The following PSAT1 variants were observed in gnomAD, a reference collection of about 807,000 sequenced individuals.
PSAT1 encodes phosphoserine aminotransferase.
In PSAT1, 41 loss-of-function variants were observed where a neutral mutation model predicts 40.3. The observed-to-expected ratio is 1.02, with a 90% CI of 0.79 to 1.32. The LOEUF is 1.32. Among genes scored for constraint, PSAT1 ranks in the 40% most tolerant of loss-of-function variants. The pLI, the probability that PSAT1 is intolerant of heterozygous loss-of-function variation, is 0.00. For missense variants in PSAT1, 406 were observed against 455.8 expected, an observed-to-expected ratio of 0.89 and a Z score of 0.99; for synonymous variants, 147 against 170.5, an observed-to-expected ratio of 0.86 and a Z score of 1.07.
At chr9:78,298,407 G>C in intron 1 of PSAT1, 6 of 985,432 alleles carry the variant, frequency 6.1e-6, no homozygotes, top group Non-Finnish European at 7.2e-6. Context: ...GGTAAGAACA[G>C]AGAATCCAAT....
At chr9:78,321,057 G>A (rs1046192865) in intron 7 of PSAT1, among the ~76,000 whole-genome samples, 1 of 152,028 alleles carries the variant, frequency 6.6e-6, no homozygotes, top group African/African-American at 2.4e-5. Flanking sequence ...ACTAAACCTG[G>A]GCCTCTCCCA....
At chr9:78,321,859 T>C (rs1828434156) in intron 7 of PSAT1, among the ~76,000 whole-genome samples, 1 of 152,212 alleles carries the variant, frequency 6.6e-6, no homozygotes, top group South Asian at 2.1e-4. Flanking sequence ...GAGGTAATGA[T>C]ACATACTTCT....
At chr9:78,316,279 C>A (rs2118676693) in intron 6 of PSAT1, among the ~76,000 whole-genome samples, 1 of 152,268 alleles carries the variant, frequency 6.6e-6, no homozygotes, top group Middle Eastern at 3.4e-3. Context: ...AAGGGATGGT[C>A]CTGAGCTGCG....
intron 6 of PSAT1, among the ~76,000 whole-genome samples, chr9:78,311,977 G>A (rs1828274737): frequency 1.3e-5 from 2 of 152,092 alleles, no homozygotes; most frequent in Admixed American, 6.5e-5. Flanking sequence ...AGGCTGATGG[G>A]GTACCTGGAG....
chr9:78,310,704 G>T (rs959090128), intron 6 of PSAT1, among the ~76,000 whole-genome samples: 4 of 151,486 alleles, frequency 2.6e-5, no homozygotes, highest in Admixed American at 6.6e-5. Context: ...TCCGCCTCCC[G>T]GGTTCAAGCA....
At chr9:78,319,391 C>T (rs751977019) in intron 7 of PSAT1, among the ~76,000 whole-genome samples, 2 of 152,186 alleles carry the variant, frequency 1.3e-5, no homozygotes, top group African/African-American at 2.4e-5. Context: ...TGGCGGGATG[C>T]CTTGGCCTTT....
Position 78,329,453 on chromosome 9 carries a change from T to G in PSAT1, c.*367T>G, listed in dbSNP as rs1828549690. ...TCATGGGAACACACAGCACAGAGGG[T>G]AGGGGGGCCCTCTAGGTGCTGAATC... On this transcript the variant is annotated 3_prime_UTR_variant, in exon 9 of 9. Transcript: ENST00000376588. 3.1e-6 allele frequency: 1 copy of G among 322,710 alleles called. No individual in the cohort carries two copies. The highest frequency in any genetic ancestry group is 2.2e-5 in the African/African-American group (1 of 45,980). 20.0% of individuals were successfully genotyped at this position (322,710 alleles called of 1,614,324 possible). A position where few individuals can be genotyped will look rare whatever the true frequency, so the allele number is the denominator to read the frequency against.
intron 1 of PSAT1, 91 bp downstream of exon 1, chr9:78,297,361 C>A: frequency 7.0e-7 from 1 of 1,429,516 alleles, no homozygotes. Flanking sequence ...CAGTCGGATT[C>A]CCGCTCCCTG....
At chr9:78,297,743 C>T (rs1564011079) in intron 1 of PSAT1, among the ~76,000 whole-genome samples, 1 of 152,216 alleles carries the variant, frequency 6.6e-6, no homozygotes, top group African/African-American at 2.4e-5. Context: ...GGGAATGAAC[C>T]GATGACAGGT....
At chr9:78,307,965 G>T (rs1421789849) in intron 5 of PSAT1, among the ~76,000 whole-genome samples, 1 of 152,122 alleles carries the variant, frequency 6.6e-6, no homozygotes, top group Non-Finnish European at 1.5e-5. Flanking sequence ...CTTGAACCCG[G>T]GAGGCAGAGG....
chr9:78,307,440 A>G (rs1164637565), intron 5 of PSAT1, among the ~76,000 whole-genome samples: 1 of 152,214 alleles, frequency 6.6e-6, no homozygotes, highest in Non-Finnish European at 1.5e-5. Context: ...AATTGTTTAG[A>G]TATACTGTAT....
At chr9:78,326,926 G>A (rs528740998) in intron 7 of PSAT1, among the ~76,000 whole-genome samples, 1 of 134,234 alleles carries the variant, frequency 7.4e-6, no homozygotes, top group South Asian at 2.3e-4. Flanking sequence ...ACATGCTTAA[G>A]TGACAGCAAT....
At chr9:78,309,720 C>T (rs965273971) in intron 6 of PSAT1, among the ~76,000 whole-genome samples, 11 of 152,194 alleles carry the variant, frequency 7.2e-5, no homozygotes, top group African/African-American at 2.2e-4. Flanking sequence ...GGCTCTCATT[C>T]GCTGACTGGG....
intron 7 of PSAT1, among the ~76,000 whole-genome samples, chr9:78,318,998 G>A (rs1464833744): frequency 6.6e-6 from 1 of 152,150 alleles, no homozygotes; most frequent in Non-Finnish European, 1.5e-5. Context: ...CTGTGTACAT[G>A]TATGTGCGCC....
chr9:78,318,432 G>T (rs1329653600), intron 7 of PSAT1, among the ~76,000 whole-genome samples: 1 of 152,184 alleles, frequency 6.6e-6, no homozygotes, highest in African/African-American at 2.4e-5. Context: ...CCTGGGGCTG[G>T]TGTAACAAAG....
intron 6 of PSAT1, among the ~76,000 whole-genome samples, chr9:78,309,666 A>G (rs886983708): frequency 4.6e-5 from 7 of 152,128 alleles, no homozygotes; most frequent in Non-Finnish European, 8.8e-5. Context: ...ACCGGCCAAC[A>G]TCTTTCTGTA....
intron 7 of PSAT1, among the ~76,000 whole-genome samples, chr9:78,325,245 G>A (rs572834674): frequency 3.9e-5 from 6 of 152,196 alleles, no homozygotes; most frequent in East Asian, 1.9e-4. Flanking sequence ...TACTGGAACC[G>A]TAGAAAGTTC....
intron 8 of PSAT1, among the ~76,000 whole-genome samples, chr9:78,328,554 G>A (rs558831402): frequency 1.3e-3 from 199 of 152,258 alleles, no homozygotes; most frequent in African/African-American, 4.6e-3. Context: ...TTAGTAGCTA[G>A]TCTTGCATGC....
Position 78,304,917 on chromosome 9 carries a change from AC to A in PSAT1, c.377del (p.Pro126LeufsTer68). The A allele has an allele frequency of 6.2e-7, 1 of 1,612,648 alleles. No homozygotes were observed. The highest frequency in any genetic ancestry group is 8.5e-7 in the Non-Finnish European group (1 of 1,180,026). ...AKKFGTINIVHPKLGSYTKIP... is the reference protein window; with the variant it reads ...AKKFGTINIVXPKLGSYTKIP... Reference sequence around the variant, plus strand: ...AAGTTTGGGACTATAAATATCGTTCACCCTAAACTTGGGAGTTATACAAGTA... The same window carrying A: ...AAGTTTGGGACTATAAATATCGTTCACCTAAACTTGGGAGTTATACAAGTA... On this transcript the variant is annotated frameshift_variant, in exon 4 of 9. Coordinates refer to ENST00000376588, the MANE Select transcript of PSAT1 (RefSeq NM_058179.4). LOFTEE classifies it high-confidence loss of function.
Sources: gnomAD v4.1 joint callset for allele counts (sites outside exome capture counted in the v4.1 genomes callset) on GRCh38, gnomAD v4.1.1 for gene constraint, MANE v1.5 for transcripts, NCBI Gene and HGNC (gene_info 2026-07-23, HGNC 2026-07-21) for gene names.